Variants in GALNTL5 observed in about 807,000 individuals in gnomAD.
The protein encoded by GALNTL5 is inactive polypeptide N-acetylgalactosaminyltransferase-like protein 5.
Under a neutral mutation model 51.0 loss-of-function variants are expected in GALNTL5, and 44 were observed. The observed-to-expected ratio is 0.86, with a 90% CI of 0.68 to 1.11. The LOEUF (loss-of-function observed/expected upper bound fraction) is 1.11. Among genes scored for constraint, GALNTL5 ranks in the 50% least tolerant of loss-of-function variants. The probability of loss-of-function intolerance (pLI) is 0.00; values close to 1 mark genes in which losing one functional copy is unlikely to be tolerated. For synonymous variants in GALNTL5, 192 were observed against 182.8 expected (o/e 1.05, Z -0.41); for missense variants, 528 against 531.8 (o/e 0.99, Z 0.07).
At position 152,002,980 on chromosome 7, in the gene GALNTL5, T is replaced by A. The variant is rs756436735; in HGVS notation, c.908+17T>A. ...ACCAATCCGGTGAGATTTCTTCTGG[T>A]TTTGGAAAAATATAGCATACGTGTA... is the stretch of plus-strand genomic sequence containing the variant. On this transcript the variant is annotated intron_variant, in intron 6 of 8. Transcript: ENST00000392800. 2 of 1,609,508 alleles carry A rather than the reference T, an allele frequency of 1.2e-6. No homozygotes were observed. Among genetic ancestry groups the A allele is most frequent in the East Asian group, 4.5e-5 (2 of 44,408 alleles).
chr7:151,999,088 T>C (rs1419371476), intron 5 of GALNTL5, among the ~76,000 whole-genome samples: 1 of 152,238 alleles, frequency 6.6e-6, no homozygotes, highest in African/African-American at 2.4e-5. Context: ...ATCTGTGTTC[T>C]GTCTCTTTCT....
intron 5 of GALNTL5, among the ~76,000 whole-genome samples, chr7:151,995,828 G>A (rs1220735573): frequency 6.6e-6 from 1 of 152,050 alleles, no homozygotes; most frequent in Admixed American, 6.6e-5. Flanking sequence ...AAATATTAAT[G>A]GTGGAAAGGC....
At chr7:152,007,147 G>A (rs576940887) in intron 6 of GALNTL5, among the ~76,000 whole-genome samples, 50 of 152,116 alleles carry the variant, frequency 3.3e-4, no homozygotes, top group African/African-American at 1.2e-3. Flanking sequence ...TTAATATTAT[G>A]GTTTGTCCAG....
intron 1 of GALNTL5, among the ~76,000 whole-genome samples, chr7:151,963,935 T>C (rs907457829): frequency 2.0e-5 from 3 of 152,220 alleles, no homozygotes; most frequent in Non-Finnish European, 4.4e-5. Flanking sequence ...CTCAAATGTC[T>C]CAGGCAATCC....
chr7:152,017,077 T>TATAGTGTA (rs2081828043), intron 8 of GALNTL5, among the ~76,000 whole-genome samples: 1 of 151,378 alleles, frequency 6.6e-6, no homozygotes, highest in Non-Finnish European at 1.5e-5. Flanking sequence ...GAAAACCAAC[T>TATAGTGTA]ATAGTGTATA....
chr7:151,983,155 A>G lies in GALNTL5; in HGVS notation c.535+3A>G, dbSNP rs756111158. On this transcript the variant is annotated splice_donor_region_variant and intron_variant, in intron 4 of 8. Transcript: ENST00000392800. ...GGTAGATGACATGAGCAAAGTTGGTAAGATAGAACACTCATTATCTCATCT... is the reference window on the plus strand; with the variant it reads ...GGTAGATGACATGAGCAAAGTTGGTGAGATAGAACACTCATTATCTCATCT... The G allele has an allele frequency of 6.2e-7, 1 of 1,607,456 alleles. No individual in the cohort carries two copies. The highest frequency in any genetic ancestry group is 8.5e-7 in the Non-Finnish European group (1 of 1,174,276).
intron 3 of GALNTL5, among the ~76,000 whole-genome samples, chr7:151,971,683 G>A (rs1010891449): frequency 6.6e-6 from 1 of 152,158 alleles, no homozygotes; most frequent in African/African-American, 2.4e-5. Context: ...CTTGTCTTGA[G>A]TTGTAATCCC....
intron 6 of GALNTL5, among the ~76,000 whole-genome samples, 187 bp from the exon 7 acceptor site, chr7:152,007,640 G>A (rs978776710): frequency 2.0e-5 from 3 of 151,762 alleles, no homozygotes; most frequent in South Asian, 2.1e-4. Context: ...GGATGGTCTC[G>A]ATCTCCTGAA....
At chr7:151,985,493 CA>C (rs1401300925) in intron 4 of GALNTL5, among the ~76,000 whole-genome samples, 7 of 152,172 alleles carry the variant, frequency 4.6e-5, no homozygotes. Context: ...ATTTCTTCAA[CA>C]AAACCCTGTC....
intron 5 of GALNTL5, among the ~76,000 whole-genome samples, chr7:151,992,924 C>T (rs1054113227): frequency 1.8e-4 from 27 of 152,096 alleles, no homozygotes; most frequent in South Asian, 2.1e-4. Context: ...CCCACGCACA[C>T]GCATCGCATC....
Position 152,007,903 on chromosome 7 carries a change from A to G in GALNTL5, c.985A>G (p.Met329Val). 1 of 1,611,520 alleles carries G rather than the reference A, an allele frequency of 6.2e-7. No homozygotes were observed. Among genetic ancestry groups the G allele is most frequent in the Non-Finnish European group, 8.5e-7 (1 of 1,178,346 alleles). The change falls in exon 7 of 9, where the codon ATG becomes GTG. Residue 329 changes from methionine to valine, a missense_variant. By Grantham distance (21) the Met-to-Val change is conservative (BLOSUM62 1). Coordinates refer to ENST00000392800, the MANE Select transcript of GALNTL5 (RefSeq NM_145292.4). The part of the protein sequence containing the change: ...FNEIGQYDKD[M>V]DFWGRENLEL... ...TGAAATTGGACAGTATGACAAGGAT[A>G]TGGATTTTTGGGGAAGAGAAAATTT...
chr7:151,995,089 A>T (rs531365164), intron 5 of GALNTL5: 11 of 152,450 alleles, frequency 7.2e-5, no homozygotes, highest in African/African-American at 2.4e-4. Flanking sequence ...AATTCTCATC[A>T]CTATCTGTCC....
intron 5 of GALNTL5, among the ~76,000 whole-genome samples, chr7:152,001,880 C>T (rs2081585196): frequency 6.6e-6 from 1 of 152,170 alleles, no homozygotes; most frequent in Non-Finnish European, 1.5e-5. Context: ...TGATTTTACA[C>T]TGGCTACAAG....
chr7:152,005,805 T>A (rs1056733968), intron 6 of GALNTL5, among the ~76,000 whole-genome samples: 2 of 152,226 alleles, frequency 1.3e-5, no homozygotes, highest in African/African-American at 4.8e-5. Flanking sequence ...GTCAATAGAA[T>A]TACTTAGGAC....
chr7:151,957,811 A>T (rs2151934533), intron 1 of GALNTL5: 1 of 152,292 alleles, frequency 6.6e-6, no homozygotes, highest in East Asian at 1.9e-4. Context: ...TTAGTGAAGA[A>T]AATAACTGAA....
At chr7:152,017,167 G>A (rs372687601) in intron 8 of GALNTL5, among the ~76,000 whole-genome samples, 75 of 152,224 alleles carry the variant, frequency 4.9e-4, no homozygotes, top group African/African-American at 1.6e-3. Flanking sequence ...CCATCATAGC[G>A]TGTACCTACA....
At chr7:151,978,305 A>C (rs2081232261) in intron 3 of GALNTL5, among the ~76,000 whole-genome samples, 1 of 152,200 alleles carries the variant, frequency 6.6e-6, no homozygotes, top group African/African-American at 2.4e-5. Context: ...ATTTGAACAA[A>C]TGAATAGCCA....
At chr7:152,001,850 AT>A (rs540554720) in intron 5 of GALNTL5, among the ~76,000 whole-genome samples, 148 of 152,188 alleles carry the variant, frequency 9.7e-4, no homozygotes, top group Non-Finnish European at 4.0e-4. Context: ...AAAACATGAG[AT>A]TTTTTTATAC....
intron 3 of GALNTL5, chr7:151,982,746 A>G: frequency 1.4e-6 from 1 of 692,454 alleles, no homozygotes; most frequent in Non-Finnish European, 2.4e-6. Context: ...ACACAGTCTC[A>G]GGAAAGAGCA....
Sources: allele counts gnomAD v4.1 joint callset (sites outside exome capture counted in the v4.1 genomes callset), GRCh38; gene constraint gnomAD v4.1.1; transcripts MANE v1.5; gene names NCBI Gene and HGNC (gene_info 2026-07-23, HGNC 2026-07-21).